The following QSOX2 variants were observed in gnomAD, a reference collection of about 807,000 sequenced individuals.
The protein encoded by QSOX2 is quiescin sulfhydryl oxidase 2.
Under a neutral mutation model 61.7 loss-of-function variants are expected in QSOX2, and 46 were observed. The observed-to-expected ratio is 0.75, with a 90% CI of 0.59 to 0.95. The LOEUF (loss-of-function observed/expected upper bound fraction) is 0.95, where lower values mean the gene tolerates loss of function less well. Ranked by LOEUF, QSOX2 falls within the 40% of genes least tolerant of loss-of-function variation. The pLI, the probability that QSOX2 is intolerant of heterozygous loss-of-function variation, is 0.00. For missense variants in QSOX2, 879 were observed against 918.9 expected, an observed-to-expected ratio of 0.96 and a Z score of 0.56; for synonymous variants, 383 against 388.4, an observed-to-expected ratio of 0.99 and a Z score of 0.16.
chr9:136,231,619 C>T (rs1458586245), intron 1 of QSOX2, among the ~76,000 whole-genome samples: 5 of 152,370 alleles, frequency 3.3e-5, no homozygotes, highest in South Asian at 4.1e-4. Flanking sequence ...GGGGCTTGTG[C>T]GAAATGACGC....
intron 2 of QSOX2, 52 bp from the exon 3 acceptor site, chr9:136,224,961 C>A: frequency 2.1e-6 from 3 of 1,423,022 alleles, no homozygotes; most frequent in Non-Finnish European, 2.9e-6. Context: ...TGGGCATCTG[C>A]ATGTGTTTAA....
chr9:136,217,050 G>A (rs1831922453), intron 8 of QSOX2, among the ~76,000 whole-genome samples: 1 of 152,248 alleles, frequency 6.6e-6, no homozygotes, highest in Non-Finnish European at 1.5e-5. Flanking sequence ...TCATCATGGA[G>A]CTGGCGGGGG....
chr9:136,235,643 G>T (rs28648922), intron 1 of QSOX2, among the ~76,000 whole-genome samples: 5,182 of 152,360 alleles, frequency 0.034, 260 homozygotes, highest in African/African-American at 0.11. Context: ...ACGGTGGCCA[G>T]TGAGCTGGGT....
intron 1 of QSOX2, among the ~76,000 whole-genome samples, chr9:136,244,415 T>C (rs1375288113): frequency 1.3e-5 from 2 of 152,212 alleles, no homozygotes; most frequent in African/African-American, 2.4e-5. Context: ...AAGCCCTACT[T>C]AGACTTGAAA....
Position 136,208,723 on chromosome 9 carries a change from G to C in QSOX2, c.*5C>G, listed in dbSNP as rs780378263. ...CTTCCGCCGTGGCTGGCAGCACCCG[G>C]GCACTCACACGGCCGGGTGGTGGTG... On this transcript the variant is annotated 3_prime_UTR_variant, in exon 12 of 12. Transcript: ENST00000358701. 4.6e-5 allele frequency: 74 copies of C among 1,599,184 alleles called. No homozygotes were observed. In the Admixed American group the frequency reaches 1.2e-3, roughly 27 times the overall value.
At chr9:136,228,253 C>T (rs551534675) in intron 1 of QSOX2, among the ~76,000 whole-genome samples, 6 of 152,242 alleles carry the variant, frequency 3.9e-5, no homozygotes, top group South Asian at 2.1e-4. Context: ...GAAATGGTGA[C>T]GTGTCATCTC....
intron 8 of QSOX2, among the ~76,000 whole-genome samples, chr9:136,217,283 CTT>C (rs1490808506): frequency 6.6e-6 from 1 of 152,236 alleles, no homozygotes; most frequent in Admixed American, 6.5e-5. Context: ...AGGGCTCTGT[CTT>C]TTTAGGAGAA....
At chr9:136,240,554 C>CTGG (rs1328699388) in intron 1 of QSOX2, among the ~76,000 whole-genome samples, 1 of 152,222 alleles carries the variant, frequency 6.6e-6, no homozygotes, top group Non-Finnish European at 1.5e-5. Flanking sequence ...AAGACCCTCT[C>CTGG]TGGGTGGAGC....
Position 136,221,648 on chromosome 9 carries a change from G to A in QSOX2, c.821+148C>T, listed in dbSNP as rs1831981999. ...CACAGATCAGCAATACCCACGGGCT[G>A]AGAGCCAGGGCCCAAATCTGCCCAG... is the stretch of plus-strand genomic sequence containing the variant. On this transcript the variant is annotated intron_variant, in intron 6 of 11. Coordinates refer to ENST00000358701, the MANE Select transcript of QSOX2 (RefSeq NM_181701.4). The surrounding 1 kb of genome is among the most constrained non-coding windows in gnomAD (Gnocchi z 4.5). 1.3e-6 allele frequency: 1 copy of A among 768,156 alleles called. No individual in the cohort carries two copies. The highest frequency in any genetic ancestry group is 2.0e-6 in the Non-Finnish European group (1 of 504,944). The allele number at this position is 768,156 out of a possible 1,614,324, so 47.6% of individuals were successfully genotyped here. A position where few individuals can be genotyped will look rare whatever the true frequency, so the allele number is the denominator to read the frequency against.
intron 10 of QSOX2, among the ~76,000 whole-genome samples, chr9:136,212,955 C>T (rs754572172): frequency 4.0e-4 from 61 of 152,218 alleles, no homozygotes; most frequent in Non-Finnish European, 7.6e-4. Flanking sequence ...CGCTGAGGGT[C>T]TTGCTAGCAG....
rs1455279722 is a variant in QSOX2, at chr9:136,245,658, G to A, written c.146C>T (p.Ala49Val). Residue 49 changes from alanine (A) to valine (V), a missense_variant, in exon 1 of 12, where the codon GCG becomes GTG. By Grantham distance (64) the Ala-to-Val change is moderately conservative. Transcript: ENST00000358701. ...LLAAAAVGPG[A>V]GGAARLYRAG... Reference sequence around the variant, plus strand: ...GCGGTACAGCCGCGCCGCACCGCCCGCGCCCGGCCCCACCGCCGCCGCCGC... The same window carrying A: ...GCGGTACAGCCGCGCCGCACCGCCCACGCCCGGCCCCACCGCCGCCGCCGC... The A allele has an allele frequency of 2.2e-5, 27 of 1,235,472 alleles. No homozygotes were observed. The African/African-American group carries it at 2.9e-4, about 13-fold the overall frequency. The allele number at this position is 1,235,472 out of a possible 1,614,324, so 76.5% of individuals were successfully genotyped here.
chr9:136,238,185 C>T (rs778817181), intron 1 of QSOX2, among the ~76,000 whole-genome samples: 43 of 152,238 alleles, frequency 2.8e-4, no homozygotes, highest in Non-Finnish European at 5.9e-4. Flanking sequence ...AGCTTTTTGT[C>T]CTATTTCCAG....
chr9:136,240,762 G>A lies in QSOX2; in HGVS notation c.328+4714C>T, dbSNP rs141068231. Among the ~76,000 whole-genome samples, 1,031 of 152,318 alleles carry A rather than the reference G, an allele frequency of 6.8e-3. 10 individuals are homozygous for A. The highest frequency in any genetic ancestry group is 0.024 in the African/African-American group (989 of 41,552). On this transcript the variant is annotated intron_variant, in intron 1 of 11. Coordinates refer to ENST00000358701, the MANE Select transcript of QSOX2 (RefSeq NM_181701.4). Reference sequence around the variant, plus strand: ...CGCCTCATCTGGGGACTGAGGGCAGGGCTGGGTCCCATGGACTCTTGATCC... The same window carrying A: ...CGCCTCATCTGGGGACTGAGGGCAGAGCTGGGTCCCATGGACTCTTGATCC...
At chr9:136,217,859 G>T (rs962559240) in intron 8 of QSOX2, among the ~76,000 whole-genome samples, 2 of 152,232 alleles carry the variant, frequency 1.3e-5, no homozygotes, top group Admixed American at 6.5e-5. Flanking sequence ...ATGGCACCGT[G>T]GGGGAAAAAG....
At chr9:136,229,639 A>G (rs1830312803) in intron 1 of QSOX2, among the ~76,000 whole-genome samples, 1 of 152,228 alleles carries the variant, frequency 6.6e-6, no homozygotes, top group African/African-American at 2.4e-5. Context: ...TAGAAACAGC[A>G]AAAACAAAAG....
rs1831839685 is a variant in QSOX2, at chr9:136,211,201, C to T, written c.1549+63G>A. 13 of 1,540,072 alleles carry T rather than the reference C, an allele frequency of 8.4e-6. No individual in the cohort carries two copies. In the South Asian group the frequency reaches 1.5e-4, roughly 18 times the overall value. On this transcript the variant is annotated intron_variant, in intron 11 of 11. Transcript: ENST00000358701. ...CCCCACGGCAGCCGTGCCGTCCTTG[C>T]TGTCCCAGGACCAGGGCCTCCCTCC...
At chr9:136,245,338 G>C in intron 1 of QSOX2, 138 bp downstream of exon 1, 1 of 721,302 alleles carries the variant, frequency 1.4e-6, no homozygotes, top group Non-Finnish European at 2.2e-6. Flanking sequence ...TGCCTCTGTG[G>C]GGCAGGGACT....
chr9:136,216,736 G>A lies in QSOX2; in HGVS notation c.1087-14C>T, dbSNP rs774539125. On this transcript the variant is annotated splice_polypyrimidine_tract_variant and intron_variant, in intron 8 of 11. Coordinates refer to ENST00000358701, the MANE Select transcript of QSOX2 (RefSeq NM_181701.4). ...TCCAGGGAACAGCTGCATGAGGAAG[G>A]AGCCACCTGAGAGCTACAGACCCAA... 9 of 1,612,476 alleles carry A rather than the reference G, an allele frequency of 5.6e-6. No individual in the cohort carries two copies. In the African/African-American group the frequency reaches 8.0e-5, roughly 14 times the overall value.
chr9:136,213,678 A>G (rs1033353962), intron 10 of QSOX2, among the ~76,000 whole-genome samples: 1 of 152,004 alleles, frequency 6.6e-6, no homozygotes, highest in Non-Finnish European at 1.5e-5. Context: ...TCCCATTAAC[A>G]GGTGGAATCT....
Sources: gnomAD v4.1 joint callset for allele counts (sites outside exome capture counted in the v4.1 genomes callset) on GRCh38, gnomAD v4.1.1 for gene constraint, Gnocchi (gnomAD v3.1) non-coding constraint, MANE v1.5 for transcripts, NCBI Gene and HGNC (gene_info 2026-07-23, HGNC 2026-07-21) for gene names.